NPEPL1: variants seen among roughly 807,000 people sequenced by gnomAD.
NPEPL1 encodes the protein aminopeptidase like 1, also known as probable aminopeptidase NPEPL1.
A neutral mutation model predicts 52.4 loss-of-function variants in NPEPL1; 45 were observed. The observed-to-expected ratio is 0.86, with a 90% confidence interval of 0.68 to 1.10. NPEPL1 has a LOEUF of 1.10. Among genes scored for constraint, NPEPL1 ranks in the 50% least tolerant of loss-of-function variants. NPEPL1 has a pLI of 0.00. For synonymous variants in NPEPL1, 360 were observed against 314.7 expected, an observed-to-expected ratio of 1.14 and a Z score of -1.52; for missense variants, 696 against 710.9, an observed-to-expected ratio of 0.98 and a Z score of 0.24.
rs763886555 is a variant in NPEPL1, at chr20:58,694,464, CT to C, written c.380del (p.Leu127ArgfsTer45). On this transcript the variant is annotated frameshift_variant, in exon 3 of 12. Coordinates refer to ENST00000356091, the MANE Select transcript of NPEPL1 (RefSeq NM_024663.4). LOFTEE classifies it high-confidence loss of function. ...QPEVFASACALARAFPLFTHR... is the reference protein window; with the variant it reads ...QPEVFASACAXARAFPLFTHR... Reference sequence around the variant, plus strand: ...GGAGGTCTTTGCTTCCGCCTGTGCCCTGGCCCGGGCCTTCCCGCTGTTCACC... The same window carrying C: ...GGAGGTCTTTGCTTCCGCCTGTGCCCGGCCCGGGCCTTCCCGCTGTTCACC... The C allele has an allele frequency of 5.6e-6, 9 of 1,613,566 alleles. No individual in the cohort carries two copies. The highest frequency in any genetic ancestry group is 1.3e-5 in the African/African-American group (1 of 74,932).
At chr20:58,708,280 G>A (rs755688184) in intron 7 of NPEPL1, among the ~76,000 whole-genome samples, 1 of 152,254 alleles carries the variant, frequency 6.6e-6, no homozygotes, top group Non-Finnish European at 1.5e-5. Context: ...CCAGGAGGAA[G>A]GAGCTCCTTC....
chr20:58,697,144 T>A (rs980737939), intron 3 of NPEPL1, among the ~76,000 whole-genome samples: 4 of 152,250 alleles, frequency 2.6e-5, no homozygotes, highest in African/African-American at 9.6e-5. Flanking sequence ...CTCAGAGTCT[T>A]GCACGATGCC....
chr20:58,704,920 C>T (rs2084707930), intron 6 of NPEPL1, among the ~76,000 whole-genome samples: 1 of 152,204 alleles, frequency 6.6e-6, no homozygotes, highest in African/African-American at 2.4e-5. Flanking sequence ...TCACTTTGAA[C>T]ATGTGGTTTT....
chr20:58,700,367 A>G (rs2084589588), intron 5 of NPEPL1, among the ~76,000 whole-genome samples: 1 of 152,180 alleles, frequency 6.6e-6, no homozygotes, highest in Non-Finnish European at 1.5e-5. Context: ...AGCCATTTAC[A>G]AGTGGAGGGA....
At chr20:58,707,252 G>A (rs2123130364) in intron 7 of NPEPL1, 52 bp downstream of exon 7, 1 of 1,467,028 alleles carries the variant, frequency 6.8e-7, no homozygotes, top group Non-Finnish European at 9.2e-7. Flanking sequence ...GTGCCTCGTG[G>A]GTGCTCCCCT....
intron 6 of NPEPL1, among the ~76,000 whole-genome samples, chr20:58,702,549 A>G (rs957451119): frequency 6.6e-6 from 1 of 152,152 alleles, no homozygotes; most frequent in Non-Finnish European, 1.5e-5. Flanking sequence ...TTTTTTTAAT[A>G]GAAAAAACAT....
At chr20:58,703,490 G>GA in intron 6 of NPEPL1, 6 of 935,696 alleles carry the variant, frequency 6.4e-6, no homozygotes, top group Non-Finnish European at 7.3e-6. Flanking sequence ...CAATACCCAC[G>GA]GTCACCCTGG....
At position 58,713,388 on chromosome 20, in the gene NPEPL1, G is replaced by A. The variant is rs754353207; in HGVS notation, c.1002-32G>A. The A allele has an allele frequency of 1.6e-5, 25 of 1,564,360 alleles. No homozygotes were observed. Among genetic ancestry groups the A allele is most frequent in the South Asian group, 9.4e-5 (8 of 85,328 alleles). ...TCATGCCAGTGTCCCAGGAAATCCC[G>A]TCCCTGAGCGGGGATCTCTACCATG... is the stretch of plus-strand genomic sequence containing the variant. On this transcript the variant is annotated intron_variant, in intron 8 of 11. Coordinates refer to ENST00000356091, the MANE Select transcript of NPEPL1 (RefSeq NM_024663.4). This position sits in a 1 kb window ranked among gnomAD's most constrained non-coding sequence, Gnocchi z 4.6.
intron 3 of NPEPL1, among the ~76,000 whole-genome samples, chr20:58,697,747 G>T (rs902844800): frequency 1.3e-5 from 2 of 152,254 alleles, no homozygotes; most frequent in Admixed American, 1.3e-4. Context: ...GGGAAGGGGT[G>T]CCCGCAGATT....
intron 3 of NPEPL1, among the ~76,000 whole-genome samples, chr20:58,697,569 C>T (rs555486890): frequency 6.6e-6 from 1 of 152,360 alleles, no homozygotes; most frequent in Non-Finnish European, 1.5e-5. Flanking sequence ...GCTGCCCTGA[C>T]ATTATGAGAC....
Position 58,712,592 on chromosome 20 carries a change from C to T in NPEPL1, c.1001+13C>T. 1.3e-6 allele frequency: 2 copies of T among 1,567,692 alleles called. No homozygotes were observed. Among genetic ancestry groups the T allele is most frequent in the Non-Finnish European group, 1.8e-6 (2 of 1,138,002 alleles). On this transcript the variant is annotated intron_variant, in intron 8 of 11. Transcript: ENST00000356091. ...TGTACTCAGGGAAGTACGTCTGGCC[C>T]TCCCACTCCTTCCTGCCCACTGTTG...
chr20:58,704,853 C>A lies in NPEPL1; in HGVS notation c.823-2270C>A, dbSNP rs148871463. Among the ~76,000 whole-genome samples the A allele has an allele frequency of 4.0e-3, 608 of 152,350 alleles. 4 individuals are homozygous for A. Among genetic ancestry groups the A allele is most frequent in the Non-Finnish European group, 6.2e-3 (424 of 68,038 alleles). On this transcript the variant is annotated intron_variant, in intron 6 of 11. Transcript: ENST00000356091. ...TTAAAGGCTGGTTATAACATGGAAT[C>A]TGAAGCCTCATGAATAGACTTTTGG...
At chr20:58,698,471 C>G (rs1157722515) in intron 3 of NPEPL1, among the ~76,000 whole-genome samples, 1 of 152,022 alleles carries the variant, frequency 6.6e-6, no homozygotes, top group Admixed American at 6.5e-5. Context: ...GGTGGCTGTG[C>G]TGAAGGTTCT....
intron 7 of NPEPL1, chr20:58,711,680 C>T (rs2084847069): frequency 6.5e-6 from 1 of 152,904 alleles, no homozygotes; most frequent in Non-Finnish European, 1.5e-5. Flanking sequence ...TGCCACTGGC[C>T]ACTCCTTGCC....
chr20:58,704,504 T>C (rs200559961), intron 6 of NPEPL1: 1 of 121,940 alleles, frequency 8.2e-6, no homozygotes, highest in Admixed American at 1.7e-4. Context: ...AAAAATAACA[T>C]ATAAATCCAT....
chr20:58,694,513 G>A lies in NPEPL1; in HGVS notation c.428G>A (p.Arg143His), dbSNP rs751719832. The stretch of plus-strand genomic sequence containing the variant: ...ACCCACCGCTCAGGTGCCTCTCGGC[G>A]CTTGGAGAAGAAGACGGTCACCGTG... The part of the protein sequence containing the change: ...LFTHRSGASR[R>H]LEKKTVTVEF... The change falls in exon 3 of 12, where the codon CGC becomes CAC. Residue 143 changes from arginine (R) to histidine (H), a missense_variant. Arg to His is a conservative substitution (Grantham distance 29). Transcript: ENST00000356091. 3.6e-5 allele frequency: 58 copies of A among 1,614,018 alleles called. No homozygotes were observed. In the East Asian group the frequency reaches 1.2e-3, roughly 34 times the overall value.
Position 58,698,787 on chromosome 20 carries a change from T to TCAGGCCGGGGGTGGGAC in NPEPL1, c.597+20_597+36dup. On this transcript the variant is annotated intron_variant, in intron 4 of 11. Coordinates refer to ENST00000356091, the MANE Select transcript of NPEPL1 (RefSeq NM_024663.4). ...ACCTTCCTCGAGGTTTGTGGCGTCA[T>TCAGGCCGGGGGTGGGAC]CAGGCCGGGGGTGGGACCAGGCTGG... 6.2e-7 allele frequency: 1 copy of TCAGGCCGGGGGTGGGAC among 1,604,782 alleles called. No homozygotes were observed. Among genetic ancestry groups the TCAGGCCGGGGGTGGGAC allele is most frequent in the Admixed American group, 1.7e-5 (1 of 59,974 alleles).
At chr20:58,698,063 A>G (rs2123098279) in intron 3 of NPEPL1, among the ~76,000 whole-genome samples, 1 of 152,264 alleles carries the variant, frequency 6.6e-6, no homozygotes, top group Non-Finnish European at 1.5e-5. Flanking sequence ...CCAGACCCCC[A>G]TCTGTCTTGC....
intron 7 of NPEPL1, among the ~76,000 whole-genome samples, chr20:58,708,839 AGTT>A (rs1213985984): frequency 6.6e-6 from 1 of 152,042 alleles, no homozygotes; most frequent in Non-Finnish European, 1.5e-5. Flanking sequence ...TGAAGGGAGC[AGTT>A]GCTGCTCTGG....
Sources: allele counts gnomAD v4.1 joint callset (sites outside exome capture counted in the v4.1 genomes callset), GRCh38; gene constraint gnomAD v4.1.1; non-coding constraint Gnocchi (gnomAD v3.1); transcripts MANE v1.5; gene names NCBI Gene and HGNC (gene_info 2026-07-23, HGNC 2026-07-21).